Variants in LYST observed in about 807,000 individuals in gnomAD.
The protein encoded by LYST is lysosomal-trafficking regulator.
A neutral mutation model predicts 413.6 loss-of-function variants in LYST; 192 were observed. The observed-to-expected ratio is 0.46, with a 90% CI of 0.41 to 0.52. The LOEUF is 0.52. Ranked by LOEUF, LYST falls within the 20% of genes least tolerant of loss-of-function variation. The pLI, the probability that LYST is intolerant of heterozygous loss-of-function variation, is 0.00. For missense variants in LYST, 3,815 were observed against 4,499.9 expected, an observed-to-expected ratio of 0.85 and a Z score of 4.35; for synonymous variants, 1,525 against 1,567.3, an observed-to-expected ratio of 0.97 and a Z score of 0.64.
chr1:235,788,575 A>G, intron 13 of LYST, 126 bp downstream of exon 13: 1 of 830,364 alleles, frequency 1.2e-6, no homozygotes. Context: ...TAGAATGTAT[A>G]TATTTTTAAA....
In LYST at chr1:235,792,040, T is replaced by C. The variant is rs897407395; in HGVS notation, c.4202A>G (p.His1401Arg). 1 of 1,613,904 alleles carries C rather than the reference T, an allele frequency of 6.2e-7. No individual in the cohort carries two copies. The highest frequency in any genetic ancestry group is 8.5e-7 in the Non-Finnish European group (1 of 1,179,836). ...AACACCGTTGCTTAAATTTGGAGCG[T>C]GCAGTAAAGGGAAGGTTAGATACTG... Reference protein sequence around the residue: ...PSQYLTFPLLHAPNLSNGVSS... With the variant: ...PSQYLTFPLLRAPNLSNGVSS... Residue 1401 changes from histidine to arginine, a missense_variant, in exon 12 of 53, where the codon CAC (histidine) becomes CGC (arginine). By Grantham distance (29) the His-to-Arg change is conservative. This residue lies in a region of LYST where 1,648 missense variants were observed against 1,810.3 expected (regional missense o/e 0.91). Transcript: ENST00000389793.
At chr1:235,720,260 T>G (rs1663244561) in intron 40 of LYST, among the ~76,000 whole-genome samples, 1 of 151,044 alleles carries the variant, frequency 6.6e-6, no homozygotes, top group Admixed American at 6.6e-5. Context: ...TGGACCTGAT[T>G]CAAGACAACC....
intron 23 of LYST, among the ~76,000 whole-genome samples, chr1:235,757,926 G>T (rs959252289): frequency 6.6e-6 from 1 of 151,274 alleles, no homozygotes; most frequent in African/African-American, 2.4e-5. Context: ...GCTTTATTAG[G>T]AGTCTAGGCA....
At chr1:235,835,099 A>AT (rs1553315506) in intron 1 of LYST, among the ~76,000 whole-genome samples, 2 of 101,322 alleles carry the variant, frequency 2.0e-5, no homozygotes, top group African/African-American at 8.4e-5. Context: ...TGTATTTTTA[A>AT]TGGGGGGGGG....
At position 235,755,928 on chromosome 1, in the gene LYST, T is replaced by C. The variant is rs192936306; in HGVS notation, c.7060-281A>G. On this transcript the variant is annotated intron_variant, in intron 24 of 52. Coordinates refer to ENST00000389793, the MANE Select transcript of LYST (RefSeq NM_000081.4). ...ACACCTGGTAGACTGGCAGCCTTAG[T>C]TGAGTATAAATAGAATATTTGTACC... is the stretch of plus-strand genomic sequence containing the variant. Among the ~76,000 whole-genome samples, 108 of 152,284 alleles carry C rather than the reference T, an allele frequency of 7.1e-4. No individual in the cohort carries two copies. The East Asian group carries it at 0.019, about 27-fold the overall frequency.
At chr1:235,861,434 C>G (rs907514748) in intron 1 of LYST, among the ~76,000 whole-genome samples, 1 of 152,114 alleles carries the variant, frequency 6.6e-6, no homozygotes, top group South Asian at 2.1e-4. Flanking sequence ...AGTTACAAAG[C>G]CAAACACTGG....
In LYST at chr1:235,777,171, T is replaced by C. The variant is rs1054498564; in HGVS notation, c.5352A>G (p.Leu1784=). 6.2e-7 allele frequency: 1 copy of C among 1,613,640 alleles called. No homozygotes were observed. Among genetic ancestry groups the C allele is most frequent in the Admixed American group, 1.7e-5 (1 of 59,976 alleles). Residue 1784 remains leucine, a synonymous_variant, in exon 17 of 53, where the codon TTA becomes TTG. Transcript: ENST00000389793. ...GATTCTTTAGATGATGAGGTTCTAA[T>C]AAGATGCTCTGAACTTCTTTTGAGC... ...PFSSKEVQSI[L]LEPHHLKNLQ...
intron 9 of LYST, 135 bp from the exon 10 acceptor site, chr1:235,800,521 T>A (rs1672094607): frequency 1.6e-6 from 1 of 630,754 alleles, no homozygotes. Context: ...CTAAAAAGAC[T>A]ACTATGTGTA....
chr1:235,728,473 G>C (rs1558158897), intron 37 of LYST, among the ~76,000 whole-genome samples: 1 of 152,158 alleles, frequency 6.6e-6, no homozygotes, highest in Non-Finnish European at 1.5e-5. Flanking sequence ...TACATTACTA[G>C]CATATAGATT....
chr1:235,690,500 A>C (rs1403083250), intron 47 of LYST, among the ~76,000 whole-genome samples: 3 of 152,176 alleles, frequency 2.0e-5, no homozygotes, highest in Non-Finnish European at 4.4e-5. Context: ...ATGCAGCCTG[A>C]TGTTTCAAAA....
chr1:235,873,004 C>G (rs1309139406), intron 1 of LYST, among the ~76,000 whole-genome samples: 4 of 152,128 alleles, frequency 2.6e-5, no homozygotes, highest in African/African-American at 9.7e-5. Context: ...CTTTCTATGG[C>G]TTGCCTTAGA....
chr1:235,663,863 G>T, intron 52 of LYST, 121 bp downstream of exon 52: 1 of 847,234 alleles, frequency 1.2e-6, no homozygotes. Context: ...GTGTTAAGTG[G>T]TTGGCTTTTC....
At position 235,815,734 on chromosome 1, in the gene LYST, T is replaced by G. The variant is rs145665074; in HGVS notation, c.193-2673A>C. Reference sequence around the variant, plus strand: ...CTAGGAATACAGCTAACCAGGAAGGTGAAAGATTTCTACAATGAGAATTAC... The same window carrying G: ...CTAGGAATACAGCTAACCAGGAAGGGGAAAGATTTCTACAATGAGAATTAC... On this transcript the variant is annotated intron_variant, in intron 3 of 52. Transcript: ENST00000389793. Among the ~76,000 whole-genome samples the G allele has an allele frequency of 5.9e-3, 894 of 152,128 alleles. 13 individuals are homozygous for G. The highest frequency in any genetic ancestry group is 0.02 in the African/African-American group (835 of 41,488).
chr1:235,663,156 T>C, intron 52 of LYST, 78 bp from the exon 53 acceptor site: 1 of 1,013,572 alleles, frequency 9.9e-7, no homozygotes, highest in South Asian at 1.3e-5. Flanking sequence ...CATACTGAGG[T>C]TAGTGTAAAG....
At chr1:235,868,478 TAATG>T (rs571804859), upstream of LYST, among the ~76,000 whole-genome samples, 104 of 152,308 alleles carry the variant, frequency 6.8e-4, no homozygotes, top group African/African-American at 2.5e-3. Context: ...CCCCCTTTTT[TAATG>T]GACAAAAGAA....
intron 1 of LYST, among the ~76,000 whole-genome samples, chr1:235,845,040 T>G (rs1367570936): frequency 6.6e-6 from 1 of 152,056 alleles, no homozygotes; most frequent in African/African-American, 2.4e-5. Context: ...TGGCTTGCAT[T>G]GTGAATTTGA....
intron 2 of LYST, among the ~76,000 whole-genome samples, chr1:235,832,365 TAA>T (rs1322685328): frequency 3.2e-4 from 48 of 152,302 alleles, no homozygotes; most frequent in African/African-American, 1.1e-3. Context: ...TGGGAATAAT[TAA>T]GTCTATCTTC....
At position 235,805,953 on chromosome 1, in the gene LYST, A is replaced by T. The variant is rs995494916; in HGVS notation, c.3183T>A (p.Ser1061Arg). The change falls in exon 6 of 53, where the codon AGT becomes AGA. Residue 1061 changes from serine (S) to arginine (R), a missense_variant. This residue lies in a region of LYST where 1,648 missense variants were observed against 1,810.3 expected (regional missense o/e 0.91). Transcript: ENST00000389793. ...ELGSLKKSAD[S>R]LGKLELQHIS... ...TATGCTGTAACTCTAATTTACCTAA[A>T]CTGTCAGCACTCTTTTTTAGACTAC... is the stretch of plus-strand genomic sequence containing the variant. The T allele has an allele frequency of 6.2e-7, 1 of 1,613,776 alleles. No homozygotes were observed. Among genetic ancestry groups the T allele is most frequent in the Non-Finnish European group, 8.5e-7 (1 of 1,179,782 alleles).
At chr1:235,720,540 T>C in intron 40 of LYST, 121 bp downstream of exon 40, 1 of 951,480 alleles carries the variant, frequency 1.1e-6, no homozygotes, top group Middle Eastern at 2.4e-4. Flanking sequence ...GATAGGTATG[T>C]GGGGTCTTAT....
Sources: allele counts gnomAD v4.1 joint callset (sites outside exome capture counted in the v4.1 genomes callset), GRCh38; gene constraint gnomAD v4.1.1; regional missense constraint gnomAD v4.1.1; transcripts MANE v1.5; gene names NCBI Gene and HGNC (gene_info 2026-07-23, HGNC 2026-07-21).